ANKRD30BL: variants seen among roughly 807,000 people sequenced by gnomAD.
ANKRD30BL encodes the protein ankyrin repeat domain 30B like.
Under a neutral mutation model 18.4 loss-of-function variants are expected in ANKRD30BL, and 20 were observed. That is an observed-to-expected ratio of 1.09 (90% CI 0.77 to 1.58). The LOEUF (loss-of-function observed/expected upper bound fraction) is 1.58, where lower values mean the gene tolerates loss of function less well. Ranked by LOEUF, ANKRD30BL falls within the 40% of genes most tolerant of loss-of-function variation. The pLI is 0.00. For missense variants in ANKRD30BL, 224 were observed against 268.6 expected (o/e 0.83, Z 1.16); for synonymous variants, 72 against 100.9 (o/e 0.71, Z 1.72).
chr2:132,194,096 C>A (rs1245612733), intron 1 of ANKRD30BL, among the ~76,000 whole-genome samples: 1 of 151,848 alleles, frequency 6.6e-6, no homozygotes, highest in East Asian at 1.9e-4. Flanking sequence ...CACACACTCC[C>A]CACTCCGATA....
At chr2:132,251,375 G>C (rs1435434840) in intron 1 of ANKRD30BL, among the ~76,000 whole-genome samples, 1 of 152,182 alleles carries the variant, frequency 6.6e-6, no homozygotes, top group Non-Finnish European at 1.5e-5. Flanking sequence ...ATGTGGTGTA[G>C]ATCTCTGTAA....
intron 4 of ANKRD30BL, among the ~76,000 whole-genome samples, chr2:132,153,325 C>G (rs958846574): frequency 1.3e-5 from 2 of 152,064 alleles, no homozygotes; most frequent in Admixed American, 6.6e-5. Flanking sequence ...TTAGAAAAAC[C>G]AAAATTGTGA....
At chr2:132,218,378 G>T (rs200756833) in intron 1 of ANKRD30BL, among the ~76,000 whole-genome samples, 2 of 152,130 alleles carry the variant, frequency 1.3e-5, no homozygotes, top group Non-Finnish European at 2.9e-5. Flanking sequence ...TTATCATAGA[G>T]CAGCTTTCAA....
intron 1 of ANKRD30BL, among the ~76,000 whole-genome samples, chr2:132,230,351 G>C (rs547889121): frequency 6.7e-6 from 1 of 150,128 alleles, no homozygotes; most frequent in Admixed American, 6.7e-5. Context: ...TATTTGTGAT[G>C]TGTACATTCA....
At chr2:132,194,792 T>G (rs1418367608) in intron 1 of ANKRD30BL, among the ~76,000 whole-genome samples, 1 of 152,182 alleles carries the variant, frequency 6.6e-6, no homozygotes, top group Non-Finnish European at 1.5e-5. Flanking sequence ...ACTAAAAATG[T>G]CATTCATGAC....
intron 1 of ANKRD30BL, among the ~76,000 whole-genome samples, chr2:132,203,897 G>A (rs1362134432): frequency 6.6e-6 from 1 of 152,072 alleles, no homozygotes; most frequent in Admixed American, 6.6e-5. Context: ...GATACTTTCA[G>A]ATGGCTTGTA....
intron 1 of ANKRD30BL, among the ~76,000 whole-genome samples, chr2:132,198,622 C>CTTT (rs1198235501): frequency 7.2e-6 from 1 of 138,136 alleles, no homozygotes; most frequent in African/African-American, 2.7e-5. Flanking sequence ...AGCGCCCAGC[C>CTTT]TTTTTTTTTT....
intron 1 of ANKRD30BL, among the ~76,000 whole-genome samples, chr2:132,241,559 G>A (rs78064536): frequency 0.072 from 10,869 of 151,102 alleles, 1,281 homozygotes; most frequent in African/African-American, 0.25. Context: ...CACCTTTGTG[G>A]TATGTGTACT....
intron 5 of ANKRD30BL, among the ~76,000 whole-genome samples, chr2:132,150,441 T>G (rs1421606332): frequency 6.6e-6 from 1 of 151,390 alleles, no homozygotes; most frequent in East Asian, 1.9e-4. Context: ...TCAAGGCACC[T>G]AAGCTATTTT....
rs1271754747 is a variant in ANKRD30BL, at chr2:132,232,169, A to C, written n.441+25360T>G. On this transcript the variant is annotated intron_variant and non_coding_transcript_variant, in intron 1 of 4. Coordinates refer to the ANKRD30BL transcript ENST00000470729. ...CTAACAAACAGAAAGGACATCCACA[A>C]CAAAAACCCATCTGTACATCACCAT... is the stretch of plus-strand genomic sequence containing the variant. Among the ~76,000 whole-genome samples, 13 of 152,334 alleles carry C rather than the reference A, an allele frequency of 8.5e-5. No homozygotes were observed. In the East Asian group the frequency reaches 1.5e-3, roughly 18 times the overall value.
At chr2:132,213,537 T>C (rs1679410118) in intron 1 of ANKRD30BL, among the ~76,000 whole-genome samples, 1 of 152,156 alleles carries the variant, frequency 6.6e-6, no homozygotes, top group Admixed American at 6.6e-5. Context: ...GCATTTATCT[T>C]ACAGAGTTGA....
rs530407797 is a variant in ANKRD30BL at position 132,168,654 on chromosome 2, G to A, written n.442-11508C>T. On this transcript the variant is annotated intron_variant and non_coding_transcript_variant, in intron 1 of 4. Coordinates refer to the ANKRD30BL transcript ENST00000470729. ...CTGGATACCTAACATATATAGCATAGTAGCTACAGCTGATAAGAATGTATT... is the reference window on the plus strand; with the variant it reads ...CTGGATACCTAACATATATAGCATAATAGCTACAGCTGATAAGAATGTATT... Among the ~76,000 whole-genome samples the A allele has an allele frequency of 3.2e-3, 481 of 152,140 alleles. 4 individuals carry two copies. The highest frequency in any genetic ancestry group is 0.011 in the African/African-American group (445 of 41,494).
At chr2:132,164,708 C>A (rs1688154899), upstream of ANKRD30BL, among the ~76,000 whole-genome samples, 1 of 152,160 alleles carries the variant, frequency 6.6e-6, no homozygotes, top group Non-Finnish European at 1.5e-5. Flanking sequence ...ATCTCAGGAT[C>A]CCCAGAACAC....
intron 1 of ANKRD30BL, among the ~76,000 whole-genome samples, chr2:132,220,290 C>T (rs185433964): frequency 1.4e-5 from 2 of 147,348 alleles, no homozygotes; most frequent in Non-Finnish European, 3.0e-5. Flanking sequence ...GCCTCTCCCT[C>T]TCCCTCTCCC....
intron 1 of ANKRD30BL, among the ~76,000 whole-genome samples, chr2:132,247,696 G>A: frequency 6.6e-6 from 1 of 151,998 alleles, no homozygotes; most frequent in Non-Finnish European, 1.5e-5. Flanking sequence ...TACTCTGTGA[G>A]ATGAAAGCAC....
intron 1 of ANKRD30BL, among the ~76,000 whole-genome samples, chr2:132,248,826 A>C (rs78414903): frequency 1.9e-3 from 250 of 132,338 alleles, no homozygotes; most frequent in South Asian, 3.1e-3. Flanking sequence ...TGACAAATAT[A>C]CCTTTGCCAA....
chr2:132,231,993 C>T (rs1197402974), intron 1 of ANKRD30BL, among the ~76,000 whole-genome samples: 2 of 152,226 alleles, frequency 1.3e-5, no homozygotes, highest in African/African-American at 2.4e-5. Flanking sequence ...GATCTGAGAA[C>T]TGGCAGACTG....
chr2:132,228,244 G>A (rs934745640), intron 1 of ANKRD30BL, among the ~76,000 whole-genome samples: 1 of 151,794 alleles, frequency 6.6e-6, no homozygotes, highest in African/African-American at 2.4e-5. Context: ...GGCCTGTGGA[G>A]GAAAAGGAAA....
intron 1 of ANKRD30BL, among the ~76,000 whole-genome samples, chr2:132,175,680 A>G (rs1315375732): frequency 2.6e-5 from 4 of 152,244 alleles, no homozygotes. Flanking sequence ...GAATCCTTGG[A>G]CAATACCCGG....
Sources: allele counts gnomAD v4.1 joint callset (sites outside exome capture counted in the v4.1 genomes callset), GRCh38; gene constraint gnomAD v4.1.1; transcripts MANE v1.5; gene names NCBI Gene and HGNC (gene_info 2026-07-23, HGNC 2026-07-21).